The following RIPOR3 variants were observed in gnomAD, a reference collection of about 807,000 sequenced individuals.
RIPOR3 encodes the protein family with sequence similarity 65 member C.
In RIPOR3, 95 loss-of-function variants were observed where a neutral mutation model predicts 114.3. The observed-to-expected ratio is 0.83, with a 90% CI of 0.70 to 0.99. The LOEUF (loss-of-function observed/expected upper bound fraction) is 0.99, where lower values mean the gene tolerates loss of function less well. Among genes scored for constraint, RIPOR3 ranks in the 50% least tolerant of loss-of-function variants. The pLI, the probability that RIPOR3 is intolerant of heterozygous loss-of-function variation, is 0.00. For missense variants in RIPOR3, 1,252 were observed against 1,266.9 expected (o/e 0.99, Z 0.18); for synonymous variants, 575 against 543.8 (o/e 1.06, Z -0.80).
At chr20:50,629,333 A>G (rs765770325) in intron 2 of RIPOR3, among the ~76,000 whole-genome samples, 1 of 152,180 alleles carries the variant, frequency 6.6e-6, no homozygotes, top group Non-Finnish European at 1.5e-5. Context: ...TGGCTCAGAC[A>G]GACAGAGGTT....
chr20:50,625,831 C>G (rs2084599429), intron 2 of RIPOR3, among the ~76,000 whole-genome samples: 1 of 152,212 alleles, frequency 6.6e-6, no homozygotes, highest in African/African-American at 2.4e-5. Context: ...CCTCCCACCC[C>G]CCAGGTCCAG....
chr20:50,615,928 G>T, intron 4 of RIPOR3, 74 bp downstream of exon 4: 1 of 1,402,890 alleles, frequency 7.1e-7, no homozygotes, highest in Non-Finnish European at 9.9e-7. Flanking sequence ...ACATAGGCTA[G>T]AAGGAACGCA....
chr20:50,620,732 C>T (rs2084370241), intron 2 of RIPOR3: 2 of 448,684 alleles, frequency 4.5e-6, no homozygotes, highest in Non-Finnish European at 7.9e-6. Flanking sequence ...GCTTTTCCAC[C>T]ATGGCTGCCA....
rs577943733 is a variant in RIPOR3 at position 50,648,624 on chromosome 20, C to G, written c.4-17768G>C. 5.3e-5 allele frequency among the ~76,000 whole-genome samples: 8 copies of G among 152,162 alleles called. No homozygotes were observed. The South Asian group carries it at 1.7e-3, about 32-fold the overall frequency. ...TATATAATGAAATAATTATACAACT[C>G]ACATTCCATAATGTGGAATCAGTGG... On this transcript the variant is annotated intron_variant, in intron 1 of 21. Coordinates refer to ENST00000327979, the MANE Select transcript of RIPOR3 (RefSeq NM_001290268.2).
Position 50,587,888 on chromosome 20 carries a change from A to G in RIPOR3, c.2666T>C (p.Ile889Thr), listed in dbSNP as rs2082973446. The G allele has an allele frequency of 1.2e-6, 2 of 1,614,088 alleles. No homozygotes were observed. Among genetic ancestry groups the G allele is most frequent in the Non-Finnish European group, 1.7e-6 (2 of 1,180,026 alleles). Residue 889 changes from isoleucine (I) to threonine (T), a missense_variant, in exon 21 of 22, where the codon ATT becomes ACT. Transcript: ENST00000327979. ...ACLALKHLKGIESIDQTASLC... is the reference protein window; with the variant it reads ...ACLALKHLKGTESIDQTASLC... ...GCTGGCAGTCTGGTCGATGCTTTCA[A>G]TGCCCTGTTCGAGATTAGGAGAAAA...
At chr20:50,629,046 A>G (rs6020649) in intron 2 of RIPOR3, among the ~76,000 whole-genome samples, 18,812 of 152,134 alleles carry the variant, frequency 0.12, 3,928 homozygotes, top group African/African-American at 0.43. Flanking sequence ...AGGTGATTCA[A>G]CGGGAACTGG....
At chr20:50,637,650 G>A (rs1161926610) in intron 1 of RIPOR3, among the ~76,000 whole-genome samples, 1 of 152,082 alleles carries the variant, frequency 6.6e-6, no homozygotes, top group African/African-American at 2.4e-5. Context: ...TGAGTCTGGT[G>A]GATCACCTGA....
intron 1 of RIPOR3, among the ~76,000 whole-genome samples, chr20:50,656,306 A>G (rs1044321183): frequency 3.3e-5 from 5 of 152,198 alleles, no homozygotes; most frequent in Non-Finnish European, 5.9e-5. Flanking sequence ...AACCCTGAGA[A>G]TCATGTCACC....
chr20:50,653,599 T>A (rs1484773926), intron 1 of RIPOR3, among the ~76,000 whole-genome samples: 1 of 150,930 alleles, frequency 6.6e-6, no homozygotes, highest in African/African-American at 2.4e-5. Context: ...GGCTAATTTT[T>A]TTTTTTTTCG....
rs1295604788 is a variant in RIPOR3, at chr20:50,587,317, AACCGTCCT to A, written c.2760_2767del (p.Lys920AsnfsTer4). 1 of 1,614,106 alleles carries A rather than the reference AACCGTCCT, an allele frequency of 6.2e-7. No individual in the cohort carries two copies. The highest frequency in any genetic ancestry group is 1.7e-5 in the Admixed American group (1 of 60,032). On this transcript the variant is annotated frameshift_variant, in exon 22 of 22. Transcript: ENST00000327979. LOFTEE classifies it low-confidence loss of function (END_TRUNC). ...GAGCTTGTCCATCTTCTCAAAAGCT[AACCGTCCT>A]TTTTCACCTGAAATAGCAAAGGGAC...
chr20:50,613,305 T>C (rs1284811175), intron 4 of RIPOR3, among the ~76,000 whole-genome samples: 1 of 151,346 alleles, frequency 6.6e-6, no homozygotes, highest in Admixed American at 6.6e-5. Context: ...ATACAAAAAT[T>C]ATCCTGGCAT....
At chr20:50,617,783 G>A (rs939702789) in intron 3 of RIPOR3, among the ~76,000 whole-genome samples, 9 of 151,536 alleles carry the variant, frequency 5.9e-5, no homozygotes, top group African/African-American at 1.9e-4. Context: ...GCCCCACCAC[G>A]CCGGCTAATT....
At chr20:50,673,312 C>T (rs894666947) in intron 1 of RIPOR3, among the ~76,000 whole-genome samples, 6 of 152,146 alleles carry the variant, frequency 3.9e-5, no homozygotes, top group Admixed American at 6.5e-5. Context: ...TAGGGAGGGG[C>T]GGTCCCAGGC....
chr20:50,630,908 C>G, intron 1 of RIPOR3, 52 bp from the exon 2 acceptor site: 1 of 1,434,572 alleles, frequency 7.0e-7, no homozygotes, highest in Non-Finnish European at 9.6e-7. Flanking sequence ...CAGCGAGTGC[C>G]GTCCGCAGGC....
At chr20:50,610,961 C>G in intron 5 of RIPOR3, 55 bp from the exon 6 acceptor site, 1 of 1,611,330 alleles carries the variant, frequency 6.2e-7, no homozygotes, top group Non-Finnish European at 8.5e-7. Flanking sequence ...ACCCACCTGC[C>G]CCGCTTGCCC....
chr20:50,610,455 T>C (rs751306403), intron 6 of RIPOR3, among the ~76,000 whole-genome samples: 1 of 152,202 alleles, frequency 6.6e-6, no homozygotes, highest in Non-Finnish European at 1.5e-5. Flanking sequence ...TTGCAGACTC[T>C]AAAGCTTACA....
chr20:50,615,332 T>C (rs1568864575), intron 4 of RIPOR3, among the ~76,000 whole-genome samples: 1 of 151,576 alleles, frequency 6.6e-6, no homozygotes, highest in African/African-American at 2.4e-5. Flanking sequence ...AAGACCAGCC[T>C]AGGCAACATG....
At chr20:50,659,179 C>A (rs749607738) in intron 1 of RIPOR3, among the ~76,000 whole-genome samples, 1 of 152,268 alleles carries the variant, frequency 6.6e-6, no homozygotes, top group Non-Finnish European at 1.5e-5. Flanking sequence ...GCCACCCTGC[C>A]GCTGGTTAAC....
chr20:50,689,820 G>T (rs2087149100), intron 1 of RIPOR3, among the ~76,000 whole-genome samples: 2 of 152,290 alleles, frequency 1.3e-5, no homozygotes, highest in South Asian at 4.1e-4. Context: ...TTCACAGCCA[G>T]TCCCTGAAAG....
Sources: gnomAD v4.1 joint callset for allele counts (sites outside exome capture counted in the v4.1 genomes callset) on GRCh38, gnomAD v4.1.1 for gene constraint, MANE v1.5 for transcripts, NCBI Gene and HGNC (gene_info 2026-07-23, HGNC 2026-07-21) for gene names.